The following ASIC2 variants were observed in gnomAD, a reference collection of about 807,000 sequenced individuals.
The protein encoded by ASIC2 is acid-sensing ion channel 2.
In ASIC2, 25 loss-of-function variants were observed where a neutral mutation model predicts 57.3. The ratio of observed to expected loss-of-function variants is 0.44; its 90% confidence interval spans 0.32 to 0.61. The LOEUF is 0.61. Among genes scored for constraint, ASIC2 ranks in the 20% least tolerant of loss-of-function variants. The pLI is 0.06. For missense variants in ASIC2, 641 were observed against 738.1 expected, an observed-to-expected ratio of 0.87 and a Z score of 1.52; for synonymous variants, 319 against 307.5, an observed-to-expected ratio of 1.04 and a Z score of -0.39.
At chr17:33,294,322 T>C (rs1331522275), upstream of ASIC2, among the ~76,000 whole-genome samples, 2 of 152,090 alleles carry the variant, frequency 1.3e-5, no homozygotes, top group Admixed American at 1.3e-4. Context: ...TGTGTATCCT[T>C]TGGGGAGAGG....
At chr17:34,051,883 C>G (rs989359827) in intron 1 of ASIC2, 1 of 140,454 alleles carries the variant, frequency 7.1e-6, no homozygotes, top group Non-Finnish European at 1.6e-5. Flanking sequence ...AGCGAGAGAG[C>G]GAGAGAGCGA....
intron 1 of ASIC2, among the ~76,000 whole-genome samples, chr17:34,150,248 G>C (rs770183938): frequency 3.9e-5 from 6 of 152,142 alleles, no homozygotes; most frequent in Non-Finnish European, 7.4e-5. Context: ...TGGCAGGGTG[G>C]ATAGGTGAGA....
chr17:34,033,400 C>T (rs1907712753), intron 1 of ASIC2, among the ~76,000 whole-genome samples: 1 of 151,964 alleles, frequency 6.6e-6, no homozygotes, highest in South Asian at 2.1e-4. Context: ...TAAATGCCCA[C>T]AAGAGAAAGC....
At chr17:33,307,933 T>A (rs1906251868) in intron 1 of ASIC2, among the ~76,000 whole-genome samples, 1 of 152,254 alleles carries the variant, frequency 6.6e-6, no homozygotes, top group South Asian at 2.1e-4. Context: ...CTCTTGCCAG[T>A]GCACTTATCT....
chr17:33,559,461 A>G (rs557911415), intron 1 of ASIC2, among the ~76,000 whole-genome samples: 1 of 152,356 alleles, frequency 6.6e-6, no homozygotes, highest in South Asian at 2.1e-4. Flanking sequence ...GAACTGAAAA[A>G]AATGAGATCT....
chr17:33,188,485 A>T (rs1906289393), intron 1 of ASIC2, among the ~76,000 whole-genome samples: 1 of 152,158 alleles, frequency 6.6e-6, no homozygotes, highest in Admixed American at 6.5e-5. Flanking sequence ...AATATAAAAA[A>T]CATGTAGAAA....
chr17:34,130,859 T>A (rs1221625629), intron 1 of ASIC2, among the ~76,000 whole-genome samples: 1 of 152,230 alleles, frequency 6.6e-6, no homozygotes, highest in South Asian at 2.1e-4. Context: ...CATGAAATTA[T>A]TATACGGCCA....
chr17:33,912,149 A>T (rs1915482103), intron 1 of ASIC2, among the ~76,000 whole-genome samples: 1 of 150,254 alleles, frequency 6.7e-6, no homozygotes, highest in African/African-American at 2.5e-5. Context: ...AAAAAAAAAA[A>T]AAAAAAAAAA....
intron 1 of ASIC2, among the ~76,000 whole-genome samples, chr17:33,244,481 T>A (rs1230777017): frequency 2.0e-5 from 3 of 152,222 alleles, no homozygotes; most frequent in Admixed American, 2.0e-4. Flanking sequence ...ATAATATGCA[T>A]TAGATATAAC....
rs75475782 is a variant in ASIC2, at chr17:33,707,761, A to C, written c.555+448217T>G. ...GTTTTAATATCTGGTATCTTTTCGC[A>C]TTTAAAAGTGAAGCATTGCAGAGAT... On this transcript the variant is annotated intron_variant, in intron 1 of 9. Coordinates refer to the ASIC2 transcript ENST00000359872. Among the ~76,000 whole-genome samples the C allele has an allele frequency of 2.2e-3, 342 of 152,250 alleles. 3 individuals are homozygous for C. Among genetic ancestry groups the C allele is most frequent in the African/African-American group, 8.1e-3 (335 of 41,558 alleles).
At chr17:34,032,552 A>G (rs1182701858) in intron 1 of ASIC2, among the ~76,000 whole-genome samples, 2 of 152,248 alleles carry the variant, frequency 1.3e-5, no homozygotes, top group East Asian at 3.8e-4. Flanking sequence ...TCTCCAATTA[A>G]AAGACACAGA....
chr17:33,029,275 G>C (rs1359283145), intron 3 of ASIC2, among the ~76,000 whole-genome samples: 1 of 152,192 alleles, frequency 6.6e-6, no homozygotes, highest in African/African-American at 2.4e-5. Flanking sequence ...TTCTGTCCCT[G>C]TCCAATCAGT....
At chr17:33,511,190 G>A (rs540433407) in intron 1 of ASIC2, among the ~76,000 whole-genome samples, 2 of 129,390 alleles carry the variant, frequency 1.5e-5, no homozygotes, top group South Asian at 2.4e-4. Context: ...TTGGTTCATC[G>A]GCCATACCCA....
intron 1 of ASIC2, among the ~76,000 whole-genome samples, chr17:33,453,554 T>G (rs1212085844): frequency 2.0e-5 from 3 of 152,148 alleles, no homozygotes; most frequent in Non-Finnish European, 1.5e-5. Flanking sequence ...CATGAAGGTT[T>G]TACAATTTTA....
chr17:33,160,244 T>C (rs1905126433), intron 1 of ASIC2, among the ~76,000 whole-genome samples: 1 of 134,524 alleles, frequency 7.4e-6, no homozygotes, highest in Admixed American at 7.2e-5. Context: ...GAAAAGAAAA[T>C]GCTCAGTGAA....
At chr17:34,079,617 A>T (rs1434601246) in intron 1 of ASIC2, among the ~76,000 whole-genome samples, 2 of 152,134 alleles carry the variant, frequency 1.3e-5, no homozygotes, top group Non-Finnish European at 2.9e-5. Context: ...TATTTTCTTG[A>T]TTTCTGTACC....
intron 1 of ASIC2, among the ~76,000 whole-genome samples, chr17:33,477,502 A>G (rs1913268427): frequency 6.6e-6 from 1 of 152,166 alleles, no homozygotes; most frequent in African/African-American, 2.4e-5. Flanking sequence ...TAGCATTAAG[A>G]TGTCTCTTAA....
At position 33,436,855 on chromosome 17, in the gene ASIC2, T is replaced by TC. The variant is rs200912172; in HGVS notation, c.556-324789_556-324788insG. On this transcript the variant is annotated intron_variant, in intron 1 of 9. Transcript: ENST00000359872. The stretch of plus-strand genomic sequence containing the variant: ...TGCCTTAAAACACATTCCAACTTCT[T>TC]TTTTTTTTTTTTTTTTTTTTTTTTT... 3.4e-3 allele frequency among the ~76,000 whole-genome samples: 126 copies of TC among 37,548 alleles called. 2 individuals carry two copies. The highest frequency in any genetic ancestry group is 4.5e-3 in the South Asian group (3 of 660). 24.6% of individuals were successfully genotyped at this position (37,548 alleles called of 152,430 possible).
chr17:33,174,560 A>T (rs529841998), intron 1 of ASIC2, among the ~76,000 whole-genome samples: 73 of 152,326 alleles, frequency 4.8e-4, no homozygotes, highest in African/African-American at 1.7e-3. Context: ...TGCGGAGCTC[A>T]CATGCACATC....
Sources: gnomAD v4.1 joint callset for allele counts (sites outside exome capture counted in the v4.1 genomes callset) on GRCh38, gnomAD v4.1.1 for gene constraint, MANE v1.5 for transcripts, NCBI Gene and HGNC (gene_info 2026-07-23, HGNC 2026-07-21) for gene names.